Variants in SLC2A10 observed in about 807,000 individuals in gnomAD.
SLC2A10 encodes solute carrier family 2 member 10, also known as solute carrier family 2, facilitated glucose transporter member 10.
In SLC2A10, 25 loss-of-function variants were observed where a neutral mutation model predicts 32.1. The observed-to-expected ratio is 0.78, with a 90% CI of 0.57 to 1.09. The LOEUF (loss-of-function observed/expected upper bound fraction) is 1.09. SLC2A10 is among the 50% of genes least tolerant of loss of function. SLC2A10 has a pLI of 0.00. For missense variants in SLC2A10, 673 were observed against 686.5 expected (o/e 0.98, Z 0.22); for synonymous variants, 332 against 309.6 (o/e 1.07, Z -0.76).
chr20:46,721,350 G>A lies in SLC2A10; in HGVS notation c.5-3691G>A, dbSNP rs1388922973. 2.0e-5 allele frequency among the ~76,000 whole-genome samples: 3 copies of A among 150,432 alleles called. No individual in the cohort carries two copies. In the East Asian group the frequency reaches 5.8e-4, roughly 29 times the overall value. On this transcript the variant is annotated intron_variant, in intron 1 of 4. Transcript: ENST00000359271. ...AGTTACCAAAACAGAAAAGAACCTT[G>A]TTTTGCAAATCTCTAAATTATTGTC...
upstream of SLC2A10, among the ~76,000 whole-genome samples, chr20:46,708,455 A>G (rs952135495): frequency 2.3e-4 from 35 of 151,950 alleles, no homozygotes; most frequent in Admixed American, 2.0e-3. Context: ...CTGCCCACCT[A>G]TTTCCACGTG....
At chr20:46,709,210 G>C (rs189803837), upstream of SLC2A10, among the ~76,000 whole-genome samples, 2 of 152,310 alleles carry the variant, frequency 1.3e-5, no homozygotes, top group Non-Finnish European at 2.9e-5. Context: ...GAATCCATGA[G>C]AGAGTGAGCG....
chr20:46,715,640 G>A (rs989768528), intron 1 of SLC2A10, among the ~76,000 whole-genome samples: 2 of 152,076 alleles, frequency 1.3e-5, no homozygotes, highest in African/African-American at 4.8e-5. Flanking sequence ...AAGTGGGGGT[G>A]GAGAATGATT....
At chr20:46,728,167 A>G (rs987193275) in intron 3 of SLC2A10, among the ~76,000 whole-genome samples, 1 of 152,180 alleles carries the variant, frequency 6.6e-6, no homozygotes, top group Non-Finnish European at 1.5e-5. Context: ...CCCATTTCAC[A>G]GATGGGAAAA....
rs756084430 is a variant in SLC2A10, at chr20:46,734,923, C to CTCCCTGAACCTCAGTT, written c.*1093_*1108dup. The CTCCCTGAACCTCAGTT allele has an allele frequency of 1.3e-5, 2 of 152,680 alleles. No individual in the cohort carries two copies. The highest frequency in any genetic ancestry group is 2.9e-5 in the Non-Finnish European group (2 of 68,066). The allele number at this position is 152,680 out of a possible 1,614,324, so 9.5% of individuals were successfully genotyped here. On this transcript the variant is annotated 3_prime_UTR_variant, in exon 5 of 5. Coordinates refer to ENST00000359271, the MANE Select transcript of SLC2A10 (RefSeq NM_030777.4). ...GCCCTTGAACTTGAGTAAATAACAA[C>CTCCCTGAACCTCAGTT]TCCCTGAACCTCAGTTTCCTCATCT...
chr20:46,715,920 C>T (rs1447744903), intron 1 of SLC2A10, among the ~76,000 whole-genome samples: 1 of 152,120 alleles, frequency 6.6e-6, no homozygotes, highest in African/African-American at 2.4e-5. Flanking sequence ...TAACCTCAAA[C>T]TCCTGGGCTC....
upstream of SLC2A10, chr20:46,709,508 TGGGGCGGCCG>T: frequency 2.1e-6 from 1 of 473,488 alleles, no homozygotes; most frequent in Admixed American, 4.5e-5. Flanking sequence ...TTGCCAGGCC[TGGGGCGGCCG>T]GGGGCGGTCC....
At chr20:46,710,876 T>C (rs966711846) in intron 1 of SLC2A10, among the ~76,000 whole-genome samples, 6 of 149,764 alleles carry the variant, frequency 4.0e-5, no homozygotes, top group African/African-American at 1.5e-4. Context: ...AATTATCTTT[T>C]CTTTTTTTTT....
At chr20:46,716,153 CTTT>C (rs1022913083) in intron 1 of SLC2A10, among the ~76,000 whole-genome samples, 7 of 136,622 alleles carry the variant, frequency 5.1e-5, no homozygotes, top group Non-Finnish European at 8.0e-5. Flanking sequence ...GGGGTGAGAA[CTTT>C]TTTTTTTTTT....
At chr20:46,716,126 G>GCCTA (rs1979222837) in intron 1 of SLC2A10, among the ~76,000 whole-genome samples, 1 of 151,460 alleles carries the variant, frequency 6.6e-6, no homozygotes, top group Non-Finnish European at 1.5e-5. Context: ...TAATACAAGA[G>GCCTA]CCTACCTCAT....
In SLC2A10 at chr20:46,733,760, A is replaced by G. The variant is rs6018008; in HGVS notation, c.1552A>G (p.Thr518Ala). The G allele has an allele frequency of 5.4e-3, 8,780 of 1,613,926 alleles. 332 individuals carry two copies. In the African/African-American group the frequency reaches 0.088, roughly 16 times the overall value. The change falls in exon 5 of 5, where the codon ACC (threonine) becomes GCC (alanine). Residue 518 changes from threonine (T) to alanine (A), a missense_variant. Coordinates refer to ENST00000359271, the MANE Select transcript of SLC2A10 (RefSeq NM_030777.4). ...IDQQFQKRRF[T>A]LSFGHRQNST... is the part of the protein sequence containing the mutation. ...CACGCATTCTTTGTCTGACAGGTTC[A>G]CCCTGAGCTTTGGCCACAGGCAGAA...
In SLC2A10 at chr20:46,729,470, A is replaced by G; in HGVS notation, c.1529A>G (p.Gln510Arg). 1 of 1,614,080 alleles carries G rather than the reference A, an allele frequency of 6.2e-7. No homozygotes were observed. Residue 510 changes from glutamine to arginine, a missense_variant, in exon 4 of 5, where the codon CAG becomes CGG. Gln to Arg is a conservative substitution (Grantham distance 43). Coordinates refer to ENST00000359271, the MANE Select transcript of SLC2A10 (RefSeq NM_030777.4). ...TKGQSLAEID[Q>R]QFQKRRFTLS... ...GGCCAGTCGTTGGCAGAGATAGACC[A>G]GCAGTTCCAGAAGAGACGGTAGGAA...
chr20:46,720,309 A>C (rs1257916314), intron 1 of SLC2A10, among the ~76,000 whole-genome samples: 1 of 152,218 alleles, frequency 6.6e-6, no homozygotes, highest in Non-Finnish European at 1.5e-5. Flanking sequence ...ATGGCAAGAA[A>C]ACAGATCTAC....
chr20:46,720,501 AT>A (rs1979488858), intron 1 of SLC2A10, among the ~76,000 whole-genome samples: 1 of 152,094 alleles, frequency 6.6e-6, no homozygotes, highest in Non-Finnish European at 1.5e-5. Context: ...TACCCTTTTC[AT>A]TTTTCATCTT....
At position 46,734,548 on chromosome 20, in the gene SLC2A10, T is replaced by G. The variant is rs1463797675; in HGVS notation, c.*714T>G. The G allele has an allele frequency of 6.5e-6, 1 of 152,874 alleles. No homozygotes were observed. The highest frequency in any genetic ancestry group is 1.5e-5 in the Non-Finnish European group (1 of 68,538). 9.5% of individuals were successfully genotyped at this position (152,874 alleles called of 1,614,324 possible). On this transcript the variant is annotated 3_prime_UTR_variant, in exon 5 of 5. Coordinates refer to ENST00000359271, the MANE Select transcript of SLC2A10 (RefSeq NM_030777.4). ...CCTCAGCCTCCCAGAGTGCTAGGAT[T>G]ACAGGCCTTTTGACTCTTTTATCTG...
intron 1 of SLC2A10, among the ~76,000 whole-genome samples, chr20:46,713,890 A>T (rs371891332): frequency 6.6e-6 from 1 of 152,154 alleles, no homozygotes; most frequent in African/African-American, 2.4e-5. Flanking sequence ...AAGACTCATA[A>T]AGGAACTTGC....
rs763889166 is a variant in SLC2A10, at chr20:46,725,617, C to T, written c.581C>T (p.Thr194Ile). Reference sequence around the variant, plus strand: ...CCTGCTGGTACAGATGAGACTGCAACACACAAGGACCTCATCCCACTCCAG... The same window carrying T: ...CCTGCTGGTACAGATGAGACTGCAATACACAAGGACCTCATCCCACTCCAG... ...FLPAGTDETA[T>I]HKDLIPLQGG... Residue 194 changes from threonine (T) to isoleucine (I), a missense_variant, in exon 2 of 5, where the codon ACA (threonine) becomes ATA (isoleucine). Physicochemically the swap from Thr to Ile is moderately conservative, Grantham distance 89 (BLOSUM62 -1). Transcript: ENST00000359271. The T allele has an allele frequency of 6.0e-5, 97 of 1,614,200 alleles. No homozygotes were observed. Among genetic ancestry groups the T allele is most frequent in the Middle Eastern group, 4.9e-4 (3 of 6,062 alleles).
At chr20:46,732,173 G>A (rs1980336792) in intron 4 of SLC2A10, among the ~76,000 whole-genome samples, 1 of 152,178 alleles carries the variant, frequency 6.6e-6, no homozygotes, top group African/African-American at 2.4e-5. Context: ...AGTAATACAA[G>A]GGGCTCAAAT....
intron 1 of SLC2A10, among the ~76,000 whole-genome samples, chr20:46,717,611 C>G (rs1249453256): frequency 1.3e-5 from 2 of 152,184 alleles, no homozygotes; most frequent in African/African-American, 4.8e-5. Flanking sequence ...TCTCGAACTC[C>G]TGACCACAGG....
Sources: allele counts gnomAD v4.1 joint callset (sites outside exome capture counted in the v4.1 genomes callset), GRCh38; gene constraint gnomAD v4.1.1; transcripts MANE v1.5; gene names NCBI Gene and HGNC (gene_info 2026-07-23, HGNC 2026-07-21).